The following KCNH8 variants were observed in gnomAD, a reference collection of about 807,000 sequenced individuals.
KCNH8 encodes voltage-gated delayed rectifier potassium channel KCNH8.
A neutral mutation model predicts 103.6 loss-of-function variants in KCNH8; 70 were observed. That is an observed-to-expected ratio of 0.68 (90% CI 0.56 to 0.82). The LOEUF is 0.82. KCNH8 is among the 40% of genes least tolerant of loss of function. The pLI, the probability that KCNH8 is intolerant of heterozygous loss-of-function variation, is 0.00. For missense variants in KCNH8, 1,217 were observed against 1,329.9 expected (o/e 0.92, Z 1.32); for synonymous variants, 498 against 489.4 (o/e 1.02, Z -0.23).
intron 3 of KCNH8, among the ~76,000 whole-genome samples, chr3:19,295,409 A>G: frequency 6.6e-6 from 1 of 151,826 alleles, no homozygotes; most frequent in East Asian, 1.9e-4. Context: ...TAAATAAATA[A>G]ATAAATAAAT....
intron 1 of KCNH8, among the ~76,000 whole-genome samples, chr3:19,201,833 G>C (rs1411531742): frequency 6.6e-6 from 1 of 152,118 alleles, no homozygotes; most frequent in Non-Finnish European, 1.5e-5. Context: ...ATCTTTAAAT[G>C]TTTTATTAAT....
Position 19,316,405 on chromosome 3 carries a change from T to C in KCNH8, c.443-26182T>C, listed in dbSNP as rs527476626. ...ACACTGGTATACAACAACCAGGCCA[T>C]AACTCTATAACATACAAGATTAAGG... is the stretch of plus-strand genomic sequence containing the variant. On this transcript the variant is annotated intron_variant, in intron 3 of 15. Coordinates refer to ENST00000328405, the MANE Select transcript of KCNH8 (RefSeq NM_144633.3). 3.3e-5 allele frequency among the ~76,000 whole-genome samples: 5 copies of C among 152,102 alleles called. No homozygotes were observed. In the East Asian group the frequency reaches 5.8e-4, roughly 18 times the overall value.
intron 2 of KCNH8, among the ~76,000 whole-genome samples, chr3:19,274,576 C>T (rs1051382485): frequency 1.3e-5 from 2 of 151,956 alleles, no homozygotes; most frequent in Admixed American, 6.6e-5. Flanking sequence ...GTCAATAACC[C>T]CAGTTAATTT....
intron 7 of KCNH8, among the ~76,000 whole-genome samples, chr3:19,429,030 C>A (rs570562531): frequency 2.6e-4 from 40 of 152,242 alleles, no homozygotes; most frequent in African/African-American, 9.6e-4. Flanking sequence ...CCAATCGCTT[C>A]ACCAGACGCT....
chr3:19,232,330 A>C (rs2064005184), intron 1 of KCNH8, among the ~76,000 whole-genome samples: 2 of 152,234 alleles, frequency 1.3e-5, no homozygotes, highest in Non-Finnish European at 2.9e-5. Flanking sequence ...GAGAATCTGG[A>C]GAAAATCCCT....
chr3:19,279,886 T>C (rs906209663), intron 2 of KCNH8, among the ~76,000 whole-genome samples: 4 of 152,104 alleles, frequency 2.6e-5, no homozygotes, highest in African/African-American at 9.7e-5. Flanking sequence ...ACTCAAAATA[T>C]CAGGGATATT....
intron 8 of KCNH8, among the ~76,000 whole-genome samples, chr3:19,449,249 TA>T (rs2067407428): frequency 6.6e-6 from 1 of 151,062 alleles, no homozygotes; most frequent in South Asian, 2.1e-4. Flanking sequence ...AACTGGAGGT[TA>T]AATACTATCT....
At chr3:19,362,767 TC>T (rs1461181199) in intron 5 of KCNH8, among the ~76,000 whole-genome samples, 19 of 152,254 alleles carry the variant, frequency 1.2e-4, no homozygotes, top group African/African-American at 3.4e-4. Flanking sequence ...AGGGTGATGC[TC>T]CTACCTCAGC....
intron 7 of KCNH8, among the ~76,000 whole-genome samples, chr3:19,406,803 T>C (rs932796935): frequency 8.5e-5 from 13 of 152,238 alleles, no homozygotes; most frequent in African/African-American, 3.1e-4. Flanking sequence ...CATAATGTAG[T>C]GGGGAGAACA....
Position 19,492,806 on chromosome 3 carries a change from G to C in KCNH8, c.2041-17557G>C, listed in dbSNP as rs76734458. ...CATTTTCATGACACTGATTCTTCTAGTCCTTGAGCATGGAATGTTTTTTCG... is the reference window on the plus strand; with the variant it reads ...CATTTTCATGACACTGATTCTTCTACTCCTTGAGCATGGAATGTTTTTTCG... On this transcript the variant is annotated intron_variant, in intron 11 of 15. Coordinates refer to ENST00000328405, the MANE Select transcript of KCNH8 (RefSeq NM_144633.3). Among the ~76,000 whole-genome samples, 5 of 148,724 alleles carry C rather than the reference G, an allele frequency of 3.4e-5. No individual in the cohort carries two copies. In the East Asian group the frequency reaches 7.9e-4, roughly 24 times the overall value.
intron 6 of KCNH8, among the ~76,000 whole-genome samples, chr3:19,393,060 G>A (rs1379868931): frequency 2.6e-5 from 4 of 151,888 alleles, no homozygotes; most frequent in Non-Finnish European, 2.9e-5. Flanking sequence ...TAATAGCTAG[G>A]AGATGACCAT....
intron 5 of KCNH8, among the ~76,000 whole-genome samples, chr3:19,384,718 G>A (rs2066333930): frequency 1.3e-5 from 2 of 152,146 alleles, no homozygotes; most frequent in Non-Finnish European, 2.9e-5. Flanking sequence ...ATGCTGGTGG[G>A]AATTGTGCAT....
chr3:19,171,877 C>T (rs2063352244), intron 1 of KCNH8, among the ~76,000 whole-genome samples: 2 of 152,144 alleles, frequency 1.3e-5, no homozygotes, highest in Admixed American at 1.3e-4. Flanking sequence ...TTGGTTTTTT[C>T]TGCTTACTTA....
intron 2 of KCNH8, among the ~76,000 whole-genome samples, chr3:19,258,947 C>CTCTCTCTATA (rs1321918245): frequency 2.8e-4 from 7 of 24,800 alleles, no homozygotes; most frequent in African/African-American, 4.5e-4. Context: ...CTCTCTCTCT[C>CTCTCTCTATA]TATATATATA....
intron 2 of KCNH8, among the ~76,000 whole-genome samples, chr3:19,258,947 C>CTCTCTCTCTCTCTATA (rs1321918245): frequency 2.0e-4 from 5 of 24,802 alleles, no homozygotes; most frequent in South Asian, 1.5e-3. Context: ...CTCTCTCTCT[C>CTCTCTCTCTCTCTATA]TATATATATA....
intron 11 of KCNH8, among the ~76,000 whole-genome samples, chr3:19,483,502 G>C (rs1271147157): frequency 6.6e-6 from 1 of 152,074 alleles, no homozygotes; most frequent in African/African-American, 2.4e-5. Flanking sequence ...TCAGGAACTG[G>C]GTCTGTAGGT....
At chr3:19,251,365 C>T (rs1029098813) in intron 1 of KCNH8, among the ~76,000 whole-genome samples, 80 of 151,950 alleles carry the variant, frequency 5.3e-4, no homozygotes, top group Non-Finnish European at 9.3e-4. Context: ...TGGAGTTTCT[C>T]GGTGTGTGTC....
intron 13 of KCNH8, among the ~76,000 whole-genome samples, chr3:19,514,766 T>C (rs2068845065): frequency 6.6e-6 from 1 of 151,882 alleles, no homozygotes; most frequent in South Asian, 2.1e-4. Context: ...TTTTCTGTGA[T>C]GCTAAGGGTT....
At chr3:19,214,782 T>C (rs1217401039) in intron 1 of KCNH8, among the ~76,000 whole-genome samples, 1 of 152,190 alleles carries the variant, frequency 6.6e-6, no homozygotes, top group Non-Finnish European at 1.5e-5. Flanking sequence ...AGTTAGTAAT[T>C]ATACCAAATC....
Sources: allele counts gnomAD v4.1 joint callset (sites outside exome capture counted in the v4.1 genomes callset), GRCh38; gene constraint gnomAD v4.1.1; transcripts MANE v1.5; gene names NCBI Gene and HGNC (gene_info 2026-07-23, HGNC 2026-07-21).